The following PHACTR1 variants were observed in gnomAD, a reference collection of about 807,000 sequenced individuals.
PHACTR1 encodes RPEL repeat containing 1.
A neutral mutation model predicts 69.2 loss-of-function variants in PHACTR1; 16 were observed. The ratio of observed to expected loss-of-function variants is 0.23; its 90% CI spans 0.16 to 0.35. The LOEUF (loss-of-function observed/expected upper bound fraction) is 0.35, where lower values mean the gene tolerates loss of function less well. Ranked by LOEUF, PHACTR1 falls within the 10% of genes least tolerant of loss-of-function variation. The pLI, the probability that PHACTR1 is intolerant of heterozygous loss-of-function variation, is 1.00. For missense variants in PHACTR1, 510 were observed against 734.7 expected (o/e 0.69, Z 3.54); for synonymous variants, 312 against 284.5 (o/e 1.10, Z -0.97).
intron 5 of PHACTR1, among the ~76,000 whole-genome samples, chr6:13,103,875 G>A (rs896966367): frequency 6.6e-6 from 1 of 152,210 alleles, no homozygotes; most frequent in African/African-American, 2.4e-5. Flanking sequence ...CTTGAGGTCA[G>A]GAGGCTGAAA....
intron 4 of PHACTR1, among the ~76,000 whole-genome samples, chr6:12,952,099 GT>G (rs1791372984): frequency 6.6e-6 from 1 of 152,190 alleles, no homozygotes; most frequent in African/African-American, 2.4e-5. Flanking sequence ...CTTTAGAGCA[GT>G]TTTAGGTTCA....
Position 12,749,483 on chromosome 6 carries a change from C to CT in PHACTR1, c.104-153dup, listed in dbSNP as rs577940408. The CT allele has an allele frequency of 6.4e-4, 423 of 664,714 alleles. 6 individuals carry two copies. The highest frequency in any genetic ancestry group is 1.6e-4 in the Non-Finnish European group (57 of 354,420). The allele number at this position is 664,714 out of a possible 1,614,324, so 41.2% of individuals were successfully genotyped here. On this transcript the variant is annotated intron_variant, in intron 3 of 14. Coordinates refer to ENST00000332995, the MANE Select transcript of PHACTR1 (RefSeq NM_030948.6). ...CTTTGCTCTCTTTCTTTCTCTCTCC[C>CT]TTTTTTTTCCTTTTTCCCTCTCTTT...
chr6:12,968,014 A>G (rs1793705254), intron 4 of PHACTR1, among the ~76,000 whole-genome samples: 4 of 152,238 alleles, frequency 2.6e-5, no homozygotes, highest in Non-Finnish European at 5.9e-5. Flanking sequence ...GAGATTTCCA[A>G]CATGGCAGAG....
At chr6:12,837,352 G>A (rs1778266624) in intron 4 of PHACTR1, among the ~76,000 whole-genome samples, 2 of 152,120 alleles carry the variant, frequency 1.3e-5, no homozygotes, top group African/African-American at 4.8e-5. Context: ...ACAAAGAGGA[G>A]AGAATTGTTC....
At chr6:12,748,248 C>T (rs1251270420) in intron 3 of PHACTR1, among the ~76,000 whole-genome samples, 1 of 152,088 alleles carries the variant, frequency 6.6e-6, no homozygotes, top group Non-Finnish European at 1.5e-5. Flanking sequence ...AGTTACTATG[C>T]ACGTGTGAAG....
rs776930175 is a variant in PHACTR1 at position 13,098,379 on chromosome 6, A to G, written c.415+44850A>G. On this transcript the variant is annotated intron_variant, in intron 5 of 14. Coordinates refer to ENST00000332995, the MANE Select transcript of PHACTR1 (RefSeq NM_030948.6). ...CTTGCTACTCCTCCACCTCTCCCCA[A>G]CCTCTACCTGTTACATCCCTGTGGG... 4.6e-5 allele frequency among the ~76,000 whole-genome samples: 7 copies of G among 151,080 alleles called. No individual in the cohort carries two copies. In the East Asian group the frequency reaches 5.8e-4, roughly 13 times the overall value.
intron 7 of PHACTR1, among the ~76,000 whole-genome samples, chr6:13,202,161 A>G (rs983019997): frequency 6.6e-6 from 1 of 152,224 alleles, no homozygotes; most frequent in African/African-American, 2.4e-5. Flanking sequence ...GCCTGTTTCC[A>G]TAGAATTGCT....
chr6:13,168,743 G>A (rs1760183432), intron 6 of PHACTR1, among the ~76,000 whole-genome samples: 1 of 152,170 alleles, frequency 6.6e-6, no homozygotes, highest in South Asian at 2.1e-4. Flanking sequence ...GGAGGGGTAA[G>A]GGAATGTTAC....
intron 4 of PHACTR1, among the ~76,000 whole-genome samples, chr6:12,931,270 C>A (rs1193741753): frequency 7.0e-6 from 1 of 142,370 alleles, no homozygotes; most frequent in Non-Finnish European, 1.5e-5. Context: ...GGGGAAGTAT[C>A]TTTCTCCTTC....
At chr6:13,036,886 G>A (rs1319212174) in intron 4 of PHACTR1, among the ~76,000 whole-genome samples, 1 of 152,130 alleles carries the variant, frequency 6.6e-6, no homozygotes, top group East Asian at 1.9e-4. Flanking sequence ...TCCTTTCTCT[G>A]AGAAACATTC....
At chr6:13,166,830 G>A (rs1192987561) in intron 6 of PHACTR1, among the ~76,000 whole-genome samples, 1 of 152,098 alleles carries the variant, frequency 6.6e-6, no homozygotes, top group Non-Finnish European at 1.5e-5. Flanking sequence ...TCAGCCCTGT[G>A]AAACCCATGT....
In PHACTR1 at chr6:12,749,781, C is replaced by T. The variant is rs200383533; in HGVS notation, c.241C>T (p.Leu81=). The T allele has an allele frequency of 3.1e-6, 5 of 1,604,166 alleles. No homozygotes were observed. Among genetic ancestry groups the T allele is most frequent in the Non-Finnish European group, 4.3e-6 (5 of 1,175,714 alleles). The change falls in exon 4 of 15, where the codon CTG becomes TTG. Residue 81 remains leucine (L), a synonymous_variant. Transcript: ENST00000332995. ...CGCAGAGGCCAGGATCTCCTTTAAC[C>T]TGGGGGCAGGTAAGAACGCCCCTGG... ...YLAEARISFN[L]GAAEEVERLA... is the part of the protein sequence containing the mutation.
chr6:12,727,925 G>A (rs12530470), intron 3 of PHACTR1, among the ~76,000 whole-genome samples: 2 of 152,066 alleles, frequency 1.3e-5, no homozygotes, highest in Non-Finnish European at 2.9e-5. Context: ...GAAATACTAG[G>A]ACTCAACAAA....
intron 3 of PHACTR1, among the ~76,000 whole-genome samples, chr6:12,744,556 T>C (rs1765520974): frequency 1.3e-5 from 2 of 152,164 alleles, no homozygotes; most frequent in Non-Finnish European, 2.9e-5. Context: ...TCCCTTCATG[T>C]TTCGTAAGGA....
chr6:13,035,644 G>A (rs1230839663), intron 4 of PHACTR1, among the ~76,000 whole-genome samples: 6 of 152,180 alleles, frequency 3.9e-5, no homozygotes, highest in Non-Finnish European at 8.8e-5. Context: ...ACTGTGTTCA[G>A]TATTTAAGTA....
intron 5 of PHACTR1, among the ~76,000 whole-genome samples, chr6:13,066,194 C>T (rs1216989590): frequency 6.6e-6 from 1 of 152,154 alleles, no homozygotes; most frequent in East Asian, 1.9e-4. Flanking sequence ...GCACTCTCTG[C>T]GTGTAAGTCC....
intron 3 of PHACTR1, among the ~76,000 whole-genome samples, chr6:12,731,241 C>T (rs572836545): frequency 1.3e-5 from 2 of 152,170 alleles, no homozygotes; most frequent in East Asian, 1.9e-4. Context: ...GTCTTGAACT[C>T]CTGACCTCGT....
chr6:12,884,796 G>A (rs1443703021), intron 4 of PHACTR1, among the ~76,000 whole-genome samples: 1 of 151,890 alleles, frequency 6.6e-6, no homozygotes, highest in Non-Finnish European at 1.5e-5. Context: ...CTGGTACTGT[G>A]TACACTATAC....
intron 3 of PHACTR1, among the ~76,000 whole-genome samples, chr6:12,726,392 G>C (rs938795919): frequency 6.6e-6 from 1 of 152,214 alleles, no homozygotes; most frequent in Non-Finnish European, 1.5e-5. Flanking sequence ...CAGAAAGCCA[G>C]CTCTGAGCTG....
Sources: gnomAD v4.1 joint callset for allele counts (sites outside exome capture counted in the v4.1 genomes callset) on GRCh38, gnomAD v4.1.1 for gene constraint, MANE v1.5 for transcripts, NCBI Gene and HGNC (gene_info 2026-07-23, HGNC 2026-07-21) for gene names.